Variants in DCC observed in about 807,000 individuals in gnomAD.
DCC encodes the protein netrin receptor DCC.
Under a neutral mutation model 172.5 loss-of-function variants are expected in DCC, and 58 were observed. The observed-to-expected ratio is 0.34, with a 90% CI of 0.27 to 0.42. The LOEUF (loss-of-function observed/expected upper bound fraction) is 0.42. Ranked by LOEUF, DCC falls within the 10% of genes least tolerant of loss-of-function variation. The pLI is 1.00. For synonymous variants in DCC, 709 were observed against 644.5 expected (o/e 1.10, Z -1.52); for missense variants, 1,740 against 1,791.0 (o/e 0.97, Z 0.51).
At chr18:53,404,618 C>T (rs1368503449) in intron 19 of DCC, among the ~76,000 whole-genome samples, 2 of 152,054 alleles carry the variant, frequency 1.3e-5, no homozygotes, top group Non-Finnish European at 2.9e-5. Context: ...GTAGTCCCAG[C>T]TACTCTGGAG....
intron 7 of DCC, among the ~76,000 whole-genome samples, chr18:53,119,848 T>C (rs1004424556): frequency 6.6e-6 from 1 of 151,976 alleles, no homozygotes; most frequent in Admixed American, 6.6e-5. Flanking sequence ...ATTTTCTTAC[T>C]GACTTTCTCT....
intron 23 of DCC, among the ~76,000 whole-genome samples, chr18:53,453,985 G>A (rs2145156032): frequency 6.6e-6 from 1 of 152,160 alleles, no homozygotes; most frequent in East Asian, 1.9e-4. Flanking sequence ...TTTTACTACT[G>A]TACTTTGAAG....
At chr18:53,410,838 T>C (rs1909938721) in intron 20 of DCC, among the ~76,000 whole-genome samples, 192 bp downstream of exon 20, 1 of 152,070 alleles carries the variant, frequency 6.6e-6, no homozygotes, top group African/African-American at 2.4e-5. Context: ...CATCAGCACA[T>C]GGCAAACATA....
At chr18:53,196,073 C>T (rs373919807) in intron 9 of DCC, among the ~76,000 whole-genome samples, 2 of 152,122 alleles carry the variant, frequency 1.3e-5, no homozygotes, top group East Asian at 3.9e-4. Context: ...CCCAGGCTAC[C>T]GTGGAATTAT....
chr18:53,306,295 A>G lies in DCC; in HGVS notation c.2053+576A>G, dbSNP rs77305398. Among the ~76,000 whole-genome samples, 17 of 152,328 alleles carry G rather than the reference A, an allele frequency of 1.1e-4. No individual in the cohort carries two copies. In the East Asian group the frequency reaches 3.1e-3, roughly 28 times the overall value. On this transcript the variant is annotated intron_variant, in intron 13 of 28. Coordinates refer to ENST00000442544, the MANE Select transcript of DCC (RefSeq NM_005215.4). ...TTTTTTTAAATTTTATAAAATAATC[A>G]TGTATTTAATAACTACAACCTTTAA...
In DCC at chr18:53,104,288, G is replaced by A. The variant is rs569241823; in HGVS notation, c.1261+38122G>A. The stretch of plus-strand genomic sequence containing the variant: ...CTTGTCCTGAATACTCACGTGTTGT[G>A]GGAGGGAGCCTGTAGGAGTGGAAGA... On this transcript the variant is annotated intron_variant, in intron 7 of 28. Coordinates refer to ENST00000442544, the MANE Select transcript of DCC (RefSeq NM_005215.4). Among the ~76,000 whole-genome samples, 3 of 152,090 alleles carry A rather than the reference G, an allele frequency of 2.0e-5. No individual in the cohort carries two copies. In the East Asian group the frequency reaches 5.8e-4, roughly 30 times the overall value.
chr18:52,719,007 G>A (rs551774801), intron 1 of DCC, among the ~76,000 whole-genome samples: 53 of 152,062 alleles, frequency 3.5e-4, no homozygotes, highest in Non-Finnish European at 7.1e-4. Context: ...GAAAACTCAG[G>A]GAAGAATCCC....
In DCC at chr18:53,195,862, C is replaced by T. The variant is rs555823245; in HGVS notation, c.1574-9354C>T. On this transcript the variant is annotated intron_variant, in intron 9 of 28. Transcript: ENST00000442544. ...GTTTGGTTGTCCAGATAATTTTTAG[C>T]CTTGATTATATATGATATATTGTTC... Among the ~76,000 whole-genome samples the T allele has an allele frequency of 1.6e-3, 240 of 152,184 alleles. 5 individuals are homozygous for T. The South Asian group carries it at 0.048, about 30-fold the overall frequency.
intron 24 of DCC, among the ~76,000 whole-genome samples, chr18:53,459,685 T>A (rs1337128929): frequency 2.0e-5 from 3 of 152,180 alleles, no homozygotes; most frequent in African/African-American, 7.2e-5. Flanking sequence ...TTTTGATAAT[T>A]CTTGAATTTT....
At chr18:53,529,036 TCTCACACACA>T (rs1195831592) in intron 28 of DCC, among the ~76,000 whole-genome samples, 79 of 46,808 alleles carry the variant, frequency 1.7e-3, no homozygotes, top group African/African-American at 5.8e-3. Context: ...TCTCTCTCTC[TCTCACACACA>T]CACACACACA....
At chr18:53,090,474 A>G (rs886532580) in intron 7 of DCC, among the ~76,000 whole-genome samples, 6 of 151,848 alleles carry the variant, frequency 4.0e-5, no homozygotes, top group African/African-American at 1.4e-4. Flanking sequence ...CGGGCGGATC[A>G]CGAGGTCAGG....
At chr18:53,213,190 T>G (rs1049967644) in intron 11 of DCC, among the ~76,000 whole-genome samples, 5 of 152,298 alleles carry the variant, frequency 3.3e-5, no homozygotes, top group African/African-American at 1.2e-4. Context: ...AATGTTACCT[T>G]CTCTTTCTTC....
chr18:53,492,312 A>G (rs2144395779), intron 26 of DCC, among the ~76,000 whole-genome samples: 1 of 152,064 alleles, frequency 6.6e-6, no homozygotes, highest in Admixed American at 6.5e-5. Flanking sequence ...ATCTTTAATT[A>G]GATCCCTTTT....
chr18:53,175,991 T>C (rs1035169297), intron 8 of DCC, among the ~76,000 whole-genome samples: 17 of 151,438 alleles, frequency 1.1e-4, no homozygotes, highest in Non-Finnish European at 2.1e-4. Context: ...TATAGATCAA[T>C]GGAACAGAAC....
intron 1 of DCC, among the ~76,000 whole-genome samples, chr18:52,490,982 A>G (rs1598859383): frequency 6.6e-6 from 1 of 152,110 alleles, no homozygotes; most frequent in African/African-American, 2.4e-5. Context: ...CCCAATTAGC[A>G]TTAATTAGAA....
At position 52,895,845 on chromosome 18, in the gene DCC, CGCAATCTTGGCTTATG is replaced by C. The variant is rs530150179; in HGVS notation, c.413-10191_413-10176del. Among the ~76,000 whole-genome samples, 185 of 152,144 alleles carry C rather than the reference CGCAATCTTGGCTTATG, an allele frequency of 1.2e-3. 1 individual carries two copies. Among genetic ancestry groups the C allele is most frequent in the African/African-American group, 4.2e-3 (175 of 41,502 alleles). On this transcript the variant is annotated intron_variant, in intron 2 of 28. Coordinates refer to ENST00000442544, the MANE Select transcript of DCC (RefSeq NM_005215.4). ...TGTTGCCCAGGCTGGAGTGCAGTGG[CGCAATCTTGGCTTATG>C]GCAATCTCGGCCTCCTGGGCTCAAG...
intron 15 of DCC, among the ~76,000 whole-genome samples, chr18:53,377,594 C>T (rs1170588262): frequency 6.6e-6 from 1 of 152,134 alleles, no homozygotes; most frequent in Non-Finnish European, 1.5e-5. Context: ...CAAACCATAG[C>T]AATCACCTAC....
chr18:53,050,928 C>A (rs2042325359), intron 5 of DCC, among the ~76,000 whole-genome samples: 1 of 151,816 alleles, frequency 6.6e-6, no homozygotes, highest in African/African-American at 2.4e-5. Flanking sequence ...GGCAGTTTTC[C>A]AAAAAAACAA....
chr18:52,532,988 A>G (rs925807747), intron 1 of DCC, among the ~76,000 whole-genome samples: 1 of 151,896 alleles, frequency 6.6e-6, no homozygotes, highest in Non-Finnish European at 1.5e-5. Context: ...CTACTAATCT[A>G]CTCTGTCTTT....
Sources: gnomAD v4.1 joint callset for allele counts (sites outside exome capture counted in the v4.1 genomes callset) on GRCh38, gnomAD v4.1.1 for gene constraint, MANE v1.5 for transcripts, NCBI Gene and HGNC (gene_info 2026-07-23, HGNC 2026-07-21) for gene names.